FHOD3: variants seen among roughly 807,000 people sequenced by gnomAD.
The protein encoded by FHOD3 is FH1/FH2 domain-containing protein 3.
A neutral mutation model predicts 173.0 loss-of-function variants in FHOD3; 90 were observed. The ratio of observed to expected loss-of-function variants is 0.52; its 90% CI spans 0.44 to 0.62. The LOEUF (loss-of-function observed/expected upper bound fraction) is 0.62. Among genes scored for constraint, FHOD3 ranks in the 20% least tolerant of loss-of-function variants. The probability of loss-of-function intolerance (pLI) is 0.00; values close to 1 mark genes in which losing one functional copy is unlikely to be tolerated. For missense variants in FHOD3, 1,945 were observed against 2,034.7 expected, an observed-to-expected ratio of 0.96 and a Z score of 0.85; for synonymous variants, 828 against 823.0, an observed-to-expected ratio of 1.01 and a Z score of -0.10.
rs1266513038 is a variant in FHOD3, at chr18:36,306,954, A to G, written c.165+8954A>G. On this transcript the variant is annotated intron_variant, in intron 1 of 28. Coordinates refer to ENST00000590592, the MANE Select transcript of FHOD3 (RefSeq NM_001281740.3). ...CCGGCCTTGGAGTATAGCCTTTCCT[A>G]TTTTTGAGCTTTATTTTTTATTTTT... 3.3e-5 allele frequency among the ~76,000 whole-genome samples: 5 copies of G among 151,812 alleles called. No individual in the cohort carries two copies. The East Asian group carries it at 9.6e-4, about 29-fold the overall frequency.
intron 9 of FHOD3, 90 bp from the exon 10 acceptor site, chr18:36,625,421 T>G: frequency 1.7e-6 from 2 of 1,186,766 alleles, no homozygotes; most frequent in Non-Finnish European, 2.2e-6. Flanking sequence ...TAAAAATCCC[T>G]ATTAGGGCAA....
At chr18:36,732,888 C>G (rs1215103419) in intron 20 of FHOD3, among the ~76,000 whole-genome samples, 1 of 152,228 alleles carries the variant, frequency 6.6e-6, no homozygotes, top group Admixed American at 6.5e-5. Flanking sequence ...GAGAGACTTA[C>G]ACTGACATAG....
rs753760476 is a variant in FHOD3 at position 36,760,716 on chromosome 18, T to A, written c.4558T>A (p.Ser1520Thr). 5 of 1,613,166 alleles carry A rather than the reference T, an allele frequency of 3.1e-6. No homozygotes were observed. The South Asian group carries it at 5.5e-5, about 18-fold the overall frequency. Residue 1520 changes from serine to threonine, a missense_variant, in exon 27 of 29, where the codon TCG (serine) becomes ACG (threonine). Ser to Thr is a moderately conservative substitution (Grantham distance 58). Around this residue, in one of 5 missense-constraint regions of FHOD3, gnomAD observed 354 missense variants for 359.9 expected, o/e 0.98. Coordinates refer to ENST00000590592, the MANE Select transcript of FHOD3 (RefSeq NM_001281740.3). ...HENMKAVLKT[S>T]SPSVEDATPA... Reference sequence around the variant, plus strand: ...GAACATGAAGGCTGTGCTGAAAACCTCGTCCCCCTCCGTGGAGGACGCCAC... The same window carrying A: ...GAACATGAAGGCTGTGCTGAAAACCACGTCCCCCTCCGTGGAGGACGCCAC...
chr18:36,672,957 G>A (rs115349769), intron 14 of FHOD3, among the ~76,000 whole-genome samples: 1,614 of 152,120 alleles, frequency 0.011, 20 homozygotes, highest in African/African-American at 0.036. Context: ...GAAAAATCTA[G>A]TATATTTTAA....
intron 1 of FHOD3, 102 bp downstream of exon 1, chr18:36,298,102 G>C: frequency 3.6e-6 from 4 of 1,113,076 alleles, no homozygotes; most frequent in Non-Finnish European, 3.6e-6. Flanking sequence ...GGGCTGGGCT[G>C]GGCGCGGCCC....
At chr18:36,367,592 G>T (rs979035535) in intron 2 of FHOD3, among the ~76,000 whole-genome samples, 3 of 152,186 alleles carry the variant, frequency 2.0e-5, no homozygotes, top group Non-Finnish European at 2.9e-5. Context: ...GAAAAGGATG[G>T]CTAAGGTGCT....
intron 3 of FHOD3, among the ~76,000 whole-genome samples, chr18:36,446,989 G>A (rs1007822180): frequency 3.3e-5 from 5 of 152,308 alleles, no homozygotes; most frequent in Admixed American, 6.5e-5. Flanking sequence ...GAGGCCAACA[G>A]CCCTTGGATT....
intron 4 of FHOD3, among the ~76,000 whole-genome samples, chr18:36,511,713 C>T (rs2055664608): frequency 6.6e-6 from 1 of 152,168 alleles, no homozygotes; most frequent in Non-Finnish European, 1.5e-5. Flanking sequence ...TAGGCAATGC[C>T]CTTGCTGCCA....
chr18:36,325,019 A>G (rs2044597328), intron 1 of FHOD3, among the ~76,000 whole-genome samples: 1 of 152,236 alleles, frequency 6.6e-6, no homozygotes, highest in South Asian at 2.1e-4. Flanking sequence ...ATATCCCTGC[A>G]ACATCATGGA....
intron 15 of FHOD3, among the ~76,000 whole-genome samples, chr18:36,684,298 G>T (rs899034196): frequency 1.3e-5 from 2 of 152,076 alleles, no homozygotes; most frequent in African/African-American, 4.8e-5. Flanking sequence ...TATGTAAAAT[G>T]TACAGAATAC....
chr18:36,367,232 G>A (rs1781452818), intron 2 of FHOD3, among the ~76,000 whole-genome samples: 1 of 152,192 alleles, frequency 6.6e-6, no homozygotes, highest in Non-Finnish European at 1.5e-5. Context: ...TTGTGTCCCT[G>A]GTGCGTGTGC....
intron 7 of FHOD3, among the ~76,000 whole-genome samples, chr18:36,596,179 G>C (rs1458687289): frequency 6.6e-6 from 1 of 152,026 alleles, no homozygotes; most frequent in African/African-American, 2.4e-5. Context: ...TTTTGAGACG[G>C]AGTCTTGCTC....
intron 5 of FHOD3, among the ~76,000 whole-genome samples, chr18:36,559,053 G>T (rs1039745454): frequency 6.6e-6 from 1 of 152,048 alleles, no homozygotes; most frequent in Non-Finnish European, 1.5e-5. Flanking sequence ...CAACCAACTC[G>T]GTCATCTTCA....
intron 1 of FHOD3, among the ~76,000 whole-genome samples, chr18:36,325,693 CCTT>C (rs2044635279): frequency 6.6e-6 from 1 of 151,314 alleles, no homozygotes. Context: ...CTCTCTTTCT[CCTT>C]CTCTTTCTTC....
At chr18:36,458,199 A>G (rs1413968974) in intron 3 of FHOD3, among the ~76,000 whole-genome samples, 1 of 152,172 alleles carries the variant, frequency 6.6e-6, no homozygotes, top group Non-Finnish European at 1.5e-5. Flanking sequence ...GAAACTTACA[A>G]ACTCACCGGA....
At chr18:36,766,715 T>C (rs2043153723) in intron 27 of FHOD3, among the ~76,000 whole-genome samples, 1 of 152,240 alleles carries the variant, frequency 6.6e-6, no homozygotes, top group African/African-American at 2.4e-5. Context: ...TAGGGCAAGA[T>C]GTTTCCTTTA....
intron 3 of FHOD3, among the ~76,000 whole-genome samples, chr18:36,402,401 CAT>C (rs1460779663): frequency 6.6e-6 from 1 of 151,926 alleles, no homozygotes; most frequent in East Asian, 1.9e-4. Flanking sequence ...GATATTTTCT[CAT>C]ATATATGTGT....
intron 8 of FHOD3, among the ~76,000 whole-genome samples, chr18:36,609,423 A>G (rs2032431970): frequency 6.6e-6 from 1 of 152,072 alleles, no homozygotes; most frequent in Non-Finnish European, 1.5e-5. Flanking sequence ...AGCTGGAAAA[A>G]GAAGCTGCAT....
chr18:36,766,156 A>G (rs1001346779), intron 27 of FHOD3, among the ~76,000 whole-genome samples: 1 of 152,182 alleles, frequency 6.6e-6, no homozygotes, highest in African/African-American at 2.4e-5. Context: ...AGAAGCCAGA[A>G]AAAAAAGGAA....
Sources: gnomAD v4.1 joint callset for allele counts (sites outside exome capture counted in the v4.1 genomes callset) on GRCh38, gnomAD v4.1.1 for gene constraint, gnomAD v4.1.1 regional missense constraint, MANE v1.5 for transcripts, NCBI Gene and HGNC (gene_info 2026-07-23, HGNC 2026-07-21) for gene names.